Variants in ZDHHC14 observed in about 807,000 individuals in gnomAD.
The protein encoded by ZDHHC14 is palmitoyltransferase ZDHHC14.
A neutral mutation model predicts 47.7 loss-of-function variants in ZDHHC14; 16 were observed. The observed-to-expected ratio is 0.34, with a 90% CI of 0.23 to 0.51. ZDHHC14 has a LOEUF of 0.51. Among genes scored for constraint, ZDHHC14 ranks in the 20% least tolerant of loss-of-function variants. ZDHHC14 has a pLI of 0.97. For synonymous variants in ZDHHC14, 293 were observed against 278.9 expected, an observed-to-expected ratio of 1.05 and a Z score of -0.50; for missense variants, 515 against 662.5, an observed-to-expected ratio of 0.78 and a Z score of 2.44.
chr6:157,496,660 C>CA (rs1434277058), intron 1 of ZDHHC14, among the ~76,000 whole-genome samples: 1 of 152,050 alleles, frequency 6.6e-6, no homozygotes, highest in Non-Finnish European at 1.5e-5. Flanking sequence ...CCAACAATGC[C>CA]AGGAATTGCT....
chr6:157,616,511 C>T (rs1784969082), intron 3 of ZDHHC14, among the ~76,000 whole-genome samples: 2 of 152,116 alleles, frequency 1.3e-5, no homozygotes, highest in African/African-American at 4.8e-5. Flanking sequence ...CTGGACACTA[C>T]AGAACCCACA....
At chr6:157,398,360 G>A (rs1442486688) in intron 1 of ZDHHC14, among the ~76,000 whole-genome samples, 1 of 152,190 alleles carries the variant, frequency 6.6e-6, no homozygotes, top group African/African-American at 2.4e-5. Context: ...GGATGGAGGG[G>A]CAGCCTGCCA....
intron 7 of ZDHHC14, 79 bp downstream of exon 7, chr6:157,647,447 C>T: frequency 8.5e-7 from 1 of 1,170,314 alleles, no homozygotes; most frequent in South Asian, 1.4e-5. Context: ...GGCCGCCCGC[C>T]CTGGTGGAAT....
Position 157,469,152 on chromosome 6 carries a change from T to G in ZDHHC14, c.246-73433T>G, listed in dbSNP as rs1428504167. ...GCTGCCCACATGTCCAGCATGGTACTCTGAACTCCAAGGGGCTGTCCTCAC... is the reference window on the plus strand; with the variant it reads ...GCTGCCCACATGTCCAGCATGGTACGCTGAACTCCAAGGGGCTGTCCTCAC... On this transcript the variant is annotated intron_variant, in intron 1 of 8. Transcript: ENST00000359775. Among the ~76,000 whole-genome samples, 8 of 152,220 alleles carry G rather than the reference T, an allele frequency of 5.3e-5. No homozygotes were observed. The East Asian group carries it at 1.5e-3, about 29-fold the overall frequency.
intron 8 of ZDHHC14, among the ~76,000 whole-genome samples, chr6:157,660,604 AC>A (rs1254764525): frequency 6.6e-6 from 1 of 152,192 alleles, no homozygotes; most frequent in Non-Finnish European, 1.5e-5. Flanking sequence ...ATAATTTATT[AC>A]AATCTGTCGC....
At chr6:157,662,044 A>T (rs1001213815) in intron 8 of ZDHHC14, among the ~76,000 whole-genome samples, 2 of 152,134 alleles carry the variant, frequency 1.3e-5, no homozygotes, top group African/African-American at 4.8e-5. Context: ...AACTTTGTGC[A>T]TGGAGTAATG....
intron 1 of ZDHHC14, among the ~76,000 whole-genome samples, chr6:157,387,679 A>C (rs1777343167): frequency 6.6e-6 from 1 of 152,214 alleles, no homozygotes; most frequent in Admixed American, 6.5e-5. Context: ...CATTGACATG[A>C]AAGCACTAAC....
Position 157,674,951 on chromosome 6 carries a change from G to A in ZDHHC14, c.*1829G>A, listed in dbSNP as rs1778946154. The A allele has an allele frequency of 1.3e-5, 2 of 152,188 alleles. No individual in the cohort carries two copies. The highest frequency in any genetic ancestry group is 2.9e-5 in the Non-Finnish European group (2 of 68,036). 9.4% of individuals were successfully genotyped at this position (152,188 alleles called of 1,614,324 possible). ...TACCCACCTGCAATGTGTAATTCAT[G>A]GGGCAGTGCCCTCCTTACACAACCG... On this transcript the variant is annotated 3_prime_UTR_variant, in exon 9 of 9. Transcript: ENST00000359775.
intron 1 of ZDHHC14, among the ~76,000 whole-genome samples, chr6:157,497,898 T>C (rs1413541560): frequency 6.6e-6 from 1 of 152,172 alleles, no homozygotes. Flanking sequence ...CCAGGAAACA[T>C]ACTTTCTGTC....
At chr6:157,623,299 A>C (rs1330035142) in intron 3 of ZDHHC14, among the ~76,000 whole-genome samples, 1 of 152,090 alleles carries the variant, frequency 6.6e-6, no homozygotes, top group Non-Finnish European at 1.5e-5. Flanking sequence ...CATGATAGTG[A>C]GTGAGTTCTC....
intron 1 of ZDHHC14, among the ~76,000 whole-genome samples, chr6:157,464,852 A>G (rs918589848): frequency 6.6e-6 from 1 of 152,014 alleles, no homozygotes; most frequent in Non-Finnish European, 1.5e-5. Flanking sequence ...CTCCCTCACA[A>G]ATCTCTCTCG....
intron 1 of ZDHHC14, among the ~76,000 whole-genome samples, chr6:157,518,393 TGGGGGGAGGGTGGAAG>T (rs1449621552): frequency 3.0e-5 from 1 of 32,814 alleles, no homozygotes; most frequent in Non-Finnish European, 6.0e-5. Flanking sequence ...AGGGAAGGGG[TGGGGGGAGGGTGGAAG>T]GGGGGCTCTT....
chr6:157,475,564 A>C (rs766022254), intron 1 of ZDHHC14, among the ~76,000 whole-genome samples: 2 of 152,156 alleles, frequency 1.3e-5, no homozygotes, highest in Non-Finnish European at 2.9e-5. Context: ...TTCAGCATAC[A>C]GACCCTTCAC....
intron 3 of ZDHHC14, among the ~76,000 whole-genome samples, chr6:157,606,410 G>A (rs1784541731): frequency 6.6e-6 from 1 of 152,200 alleles, no homozygotes; most frequent in Admixed American, 6.5e-5. Flanking sequence ...AGGTTACAGT[G>A]AGCAGAGATC....
At chr6:157,468,161 G>A (rs768009179) in intron 1 of ZDHHC14, among the ~76,000 whole-genome samples, 7 of 152,224 alleles carry the variant, frequency 4.6e-5, no homozygotes, top group Non-Finnish European at 7.3e-5. Context: ...TGAGTGGAGG[G>A]CTGGAGAGGG....
At chr6:157,588,302 T>C (rs1367659876) in intron 2 of ZDHHC14, among the ~76,000 whole-genome samples, 1 of 151,358 alleles carries the variant, frequency 6.6e-6, no homozygotes, top group African/African-American at 2.4e-5. Context: ...ATTTAAAAAA[T>C]TTAAAAATTA....
At chr6:157,626,000 T>TA (rs1415882554) in intron 3 of ZDHHC14, among the ~76,000 whole-genome samples, 2 of 152,134 alleles carry the variant, frequency 1.3e-5, no homozygotes, top group African/African-American at 4.8e-5. Context: ...TTTCAGTAGT[T>TA]ACTCTGCCTC....
intron 3 of ZDHHC14, among the ~76,000 whole-genome samples, chr6:157,597,549 A>C (rs1505562): frequency 1.3e-5 from 2 of 152,264 alleles, no homozygotes; most frequent in East Asian, 3.8e-4. Flanking sequence ...CACTGCCAGC[A>C]TTTTTGCAAA....
At chr6:157,578,277 C>G (rs1461235523) in intron 2 of ZDHHC14, among the ~76,000 whole-genome samples, 1 of 152,134 alleles carries the variant, frequency 6.6e-6, no homozygotes, top group African/African-American at 2.4e-5. Flanking sequence ...GGTCCTATGT[C>G]CAGAATGACA....
Sources: allele counts gnomAD v4.1 joint callset (sites outside exome capture counted in the v4.1 genomes callset), GRCh38; gene constraint gnomAD v4.1.1; transcripts MANE v1.5; gene names NCBI Gene and HGNC (gene_info 2026-07-23, HGNC 2026-07-21).